GATAD2A: variants seen among roughly 807,000 people sequenced by gnomAD.
The protein encoded by GATAD2A is transcriptional repressor p66-alpha.
GATAD2A carries 12 observed loss-of-function variants against 68.5 expected under a neutral mutation model. That is an observed-to-expected ratio of 0.18 (90% confidence interval 0.11 to 0.28). The LOEUF (loss-of-function observed/expected upper bound fraction) is 0.28. GATAD2A is among the 10% of genes least tolerant of loss of function. GATAD2A has a pLI of 1.00. For missense variants in GATAD2A, 755 were observed against 868.5 expected (o/e 0.87, Z 1.64); for synonymous variants, 410 against 375.3 (o/e 1.09, Z -1.07).
Position 19,498,550 on chromosome 19 carries a change from A to T in GATAD2A, c.1032A>T (p.Arg344=). The T allele has an allele frequency of 6.2e-7, 1 of 1,613,942 alleles. No homozygotes were observed. The highest frequency in any genetic ancestry group is 1.1e-5 in the South Asian group (1 of 91,090). Residue 344 remains arginine (R), a synonymous_variant, in exon 8 of 12, where the codon CGA becomes CGT. Coordinates refer to ENST00000683918, the MANE Select transcript of GATAD2A (RefSeq NM_001384528.1). ...CCTCTGCCGAGTCTCCAGCAAGCCG[A>T]CAGGCGGCCGCCAAGCTGGCGCTGC... is the stretch of plus-strand genomic sequence containing the variant. ...VVTSAESPAS[R]QAAAKLALRK...
chr19:19,438,903 T>C (rs989930801), intron 1 of GATAD2A, among the ~76,000 whole-genome samples: 2 of 152,274 alleles, frequency 1.3e-5, no homozygotes, highest in Admixed American at 6.5e-5. Context: ...TGTGGGTGTG[T>C]AAGACAGCCC....
At chr19:19,476,112 T>A (rs930098070) in intron 2 of GATAD2A, among the ~76,000 whole-genome samples, 7 of 152,156 alleles carry the variant, frequency 4.6e-5, no homozygotes, top group Non-Finnish European at 8.8e-5. Context: ...GGGGCTTCTC[T>A]CTTGGACAGT....
At chr19:19,476,397 C>T (rs1279944138) in intron 2 of GATAD2A, among the ~76,000 whole-genome samples, 1 of 152,250 alleles carries the variant, frequency 6.6e-6, no homozygotes, top group African/African-American at 2.4e-5. Flanking sequence ...TGACAGGCTT[C>T]TCTTCCTGTA....
chr19:19,385,882 G>A (rs1156798727), exon 1 of GATAD2A: 14 of 151,146 alleles, frequency 9.3e-5, no homozygotes, highest in African/African-American at 2.4e-4. Context: ...GCGGCTCCGA[G>A]CGCTGCGCGG....
At chr19:19,471,160 G>A (rs2058277304) in intron 2 of GATAD2A, among the ~76,000 whole-genome samples, 1 of 151,782 alleles carries the variant, frequency 6.6e-6, no homozygotes, top group South Asian at 2.1e-4. Context: ...GGAGGCTGAG[G>A]AGGGAGAATT....
At chr19:19,390,844 A>G (rs914605536) in intron 1 of GATAD2A, among the ~76,000 whole-genome samples, 4 of 152,160 alleles carry the variant, frequency 2.6e-5, no homozygotes, top group African/African-American at 7.2e-5. Context: ...TTTCATTGTA[A>G]TAGATCAGAT....
At position 19,495,795 on chromosome 19, in the gene GATAD2A, C is replaced by T. The variant is rs2060111656; in HGVS notation, c.666C>T (p.Pro222=). The T allele has an allele frequency of 2.5e-6, 4 of 1,613,682 alleles. No individual in the cohort carries two copies. Among genetic ancestry groups the T allele is most frequent in the Non-Finnish European group, 3.4e-6 (4 of 1,179,750 alleles). ...ARMPGSVIPP[P]LVRGGQQASS... is the part of the protein sequence containing the mutation. ...TGCCCGGCAGTGTCATACCCCCGCC[C>T]CTGGTCCGAGGTGGGCAGCAGGCGT... The change falls in exon 6 of 12, where the codon CCC becomes CCT. Residue 222 remains proline, a synonymous_variant. Coordinates refer to ENST00000683918, the MANE Select transcript of GATAD2A (RefSeq NM_001384528.1).
chr19:19,401,765 A>G (rs1030288500), upstream of GATAD2A, among the ~76,000 whole-genome samples: 2 of 151,946 alleles, frequency 1.3e-5, no homozygotes, highest in Non-Finnish European at 2.9e-5. Flanking sequence ...AAAGGACAGT[A>G]CCTTGAACAT....
chr19:19,397,970 C>G (rs960712057), intron 1 of GATAD2A, among the ~76,000 whole-genome samples: 8 of 152,190 alleles, frequency 5.3e-5, no homozygotes, highest in Non-Finnish European at 8.8e-5. Flanking sequence ...GTGGCGTGAT[C>G]TCGGCTCACC....
intron 1 of GATAD2A, among the ~76,000 whole-genome samples, chr19:19,463,884 G>C (rs1285270855): frequency 6.6e-6 from 1 of 152,232 alleles, no homozygotes; most frequent in Non-Finnish European, 1.5e-5. Flanking sequence ...GCGTGAAGCA[G>C]CTGTCTCTTT....
At chr19:19,459,094 C>G (rs992341829) in intron 1 of GATAD2A, among the ~76,000 whole-genome samples, 1 of 152,196 alleles carries the variant, frequency 6.6e-6, no homozygotes, top group African/African-American at 2.4e-5. Context: ...GCATGTGCCA[C>G]TGTGCCTGGC....
chr19:19,484,514 T>C (rs2059276796), intron 2 of GATAD2A, among the ~76,000 whole-genome samples: 2 of 139,782 alleles, frequency 1.4e-5, no homozygotes, highest in East Asian at 4.2e-4. Flanking sequence ...GGATTTTTCT[T>C]TTTCTTTTTT....
At position 19,480,059 on chromosome 19, in the gene GATAD2A, G is replaced by A. The variant is rs146597377; in HGVS notation, c.270-12247G>A. 5.3e-3 allele frequency among the ~76,000 whole-genome samples: 803 copies of A among 151,944 alleles called. 6 individuals carry two copies. The highest frequency in any genetic ancestry group is 0.041 in the South Asian group (195 of 4,800). On this transcript the variant is annotated intron_variant, in intron 2 of 11. Coordinates refer to ENST00000683918, the MANE Select transcript of GATAD2A (RefSeq NM_001384528.1). ...TGGCCTCCTGTGATCCACCCGCCTC[G>A]GCTCCCAAAGTGCTAGGATTCCAGG...
At chr19:19,434,008 A>G (rs1016098172) in intron 1 of GATAD2A, among the ~76,000 whole-genome samples, 2 of 152,220 alleles carry the variant, frequency 1.3e-5, no homozygotes, top group African/African-American at 2.4e-5. Flanking sequence ...CCTGAGCTCA[A>G]TTGATCTGCC....
intron 7 of GATAD2A, among the ~76,000 whole-genome samples, chr19:19,497,745 C>T (rs890817272): frequency 4.6e-5 from 7 of 152,136 alleles, no homozygotes; most frequent in Non-Finnish European, 1.0e-4. Context: ...CAGAGGGGTC[C>T]TCAGCCCCTA....
chr19:19,417,663 G>T (rs1299639341), intron 1 of GATAD2A, among the ~76,000 whole-genome samples: 1 of 152,136 alleles, frequency 6.6e-6, no homozygotes, highest in Non-Finnish European at 1.5e-5. Flanking sequence ...TCAAAATATG[G>T]AGAGCCCTCA....
intron 1 of GATAD2A, among the ~76,000 whole-genome samples, chr19:19,411,754 CA>C (rs1339355841): frequency 6.6e-6 from 1 of 152,202 alleles, no homozygotes; most frequent in East Asian, 1.9e-4. Context: ...TACAGGCAGT[CA>C]GGGGTATTCC....
At chr19:19,389,061 A>C (rs1434809296) in intron 1 of GATAD2A, among the ~76,000 whole-genome samples, 1 of 151,856 alleles carries the variant, frequency 6.6e-6, no homozygotes, top group Non-Finnish European at 1.5e-5. Flanking sequence ...GCGTTTACAA[A>C]TCTCATATGT....
intron 1 of GATAD2A, among the ~76,000 whole-genome samples, chr19:19,390,504 C>G (rs532380310): frequency 6.6e-6 from 1 of 152,248 alleles, no homozygotes; most frequent in African/African-American, 2.4e-5. Context: ...CGTCTCTTAG[C>G]AAGAGTTTTC....
Sources: gnomAD v4.1 joint callset for allele counts (sites outside exome capture counted in the v4.1 genomes callset) on GRCh38, gnomAD v4.1.1 for gene constraint, MANE v1.5 for transcripts, NCBI Gene and HGNC (gene_info 2026-07-23, HGNC 2026-07-21) for gene names.